Variants in CDC42BPB observed in about 807,000 individuals in gnomAD.
CDC42BPB encodes serine/threonine-protein kinase MRCK beta.
CDC42BPB carries 37 observed loss-of-function variants against 214.9 expected under a neutral mutation model. The ratio of observed to expected loss-of-function variants is 0.17; its 90% CI spans 0.13 to 0.23. The LOEUF (loss-of-function observed/expected upper bound fraction) is 0.23, where lower values mean the gene tolerates loss of function less well. Among genes scored for constraint, CDC42BPB ranks in the 10% least tolerant of loss-of-function variants. CDC42BPB has a pLI of 1.00. For missense variants in CDC42BPB, 1,694 were observed against 2,227.0 expected, an observed-to-expected ratio of 0.76 and a Z score of 4.82; for synonymous variants, 931 against 884.0, an observed-to-expected ratio of 1.05 and a Z score of -0.94.
intron 34 of CDC42BPB, among the ~76,000 whole-genome samples, chr14:102,939,284 G>A (rs144983492): frequency 1.3e-5 from 2 of 152,356 alleles, no homozygotes; most frequent in East Asian, 3.9e-4. Context: ...GCTATCTGTT[G>A]GTACGAAGGT....
At chr14:102,974,264 TCA>T in intron 11 of CDC42BPB, 115 bp from the exon 12 acceptor site, 1 of 1,481,886 alleles carries the variant, frequency 6.7e-7, no homozygotes. Context: ...ACTTTTTCAT[TCA>T]GAGGTTTTTT....
intron 6 of CDC42BPB, among the ~76,000 whole-genome samples, chr14:102,985,908 G>A (rs1894225061): frequency 6.6e-6 from 1 of 152,366 alleles, no homozygotes; most frequent in Admixed American, 6.5e-5. Context: ...ACTGCGGGGT[G>A]GAGACCACAG....
rs142125941 is a variant in CDC42BPB, at chr14:103,002,608, G to T, written c.447+1320C>A. On this transcript the variant is annotated intron_variant, in intron 4 of 36. Transcript: ENST00000361246. ...TCCTGGGAGCAGGGACACTGAGCAGGAAGCGGGGGGGTTTATGTGGAGGTG... is the reference window on the plus strand; with the variant it reads ...TCCTGGGAGCAGGGACACTGAGCAGTAAGCGGGGGGGTTTATGTGGAGGTG... Among the ~76,000 whole-genome samples, 3 of 152,232 alleles carry T rather than the reference G, an allele frequency of 2.0e-5. No homozygotes were observed. The East Asian group carries it at 5.8e-4, about 29-fold the overall frequency.
chr14:102,989,695 T>C (rs1013375271), intron 5 of CDC42BPB, among the ~76,000 whole-genome samples: 3 of 151,660 alleles, frequency 2.0e-5, no homozygotes, highest in African/African-American at 2.4e-5. Flanking sequence ...CAACATGGAG[T>C]ACCCTGTCTT....
chr14:102,972,234 A>G (rs766896284), intron 12 of CDC42BPB, 73 bp from the exon 13 acceptor site: 206 of 1,579,344 alleles, frequency 1.3e-4, no homozygotes, highest in Non-Finnish European at 1.7e-4. Flanking sequence ...TCGGTCTTCC[A>G]TGATATTGAG....
intron 1 of CDC42BPB, among the ~76,000 whole-genome samples, chr14:103,028,011 T>C (rs1201733712): frequency 6.6e-6 from 1 of 152,118 alleles, no homozygotes; most frequent in Non-Finnish European, 1.5e-5. Context: ...GCACCTGTAG[T>C]CCCAGCTGCT....
chr14:103,056,740 T>C (rs1888990885), intron 1 of CDC42BPB, among the ~76,000 whole-genome samples: 1 of 150,948 alleles, frequency 6.6e-6, no homozygotes, highest in African/African-American at 2.4e-5. Flanking sequence ...GGCGGGACGA[T>C]CGAACGCGGA....
chr14:103,025,030 ATTTC>A (rs1886973591), intron 1 of CDC42BPB, among the ~76,000 whole-genome samples: 2 of 152,198 alleles, frequency 1.3e-5, no homozygotes, highest in East Asian at 1.9e-4. Flanking sequence ...ATATTTTGAA[ATTTC>A]TTTGTGTCAC....
chr14:102,971,401 T>C, intron 13 of CDC42BPB, among the ~76,000 whole-genome samples: 1 of 152,352 alleles, frequency 6.6e-6, no homozygotes, highest in East Asian at 1.9e-4. Context: ...GGGGTTGTAA[T>C]CATTCCAACA....
intron 1 of CDC42BPB, among the ~76,000 whole-genome samples, chr14:103,015,655 T>G (rs1480583604): frequency 1.3e-5 from 2 of 152,164 alleles, no homozygotes; most frequent in Admixed American, 1.3e-4. Context: ...AAATACCACA[T>G]GGAGGTGGCA....
intron 12 of CDC42BPB, chr14:102,972,377 C>A: frequency 2.1e-6 from 2 of 968,588 alleles, no homozygotes; most frequent in Non-Finnish European, 2.5e-6. Flanking sequence ...GGTGCTGAGA[C>A]CAACTGCACA....
intron 23 of CDC42BPB, 68 bp downstream of exon 23, chr14:102,954,130 A>G: frequency 4.7e-6 from 5 of 1,063,488 alleles, no homozygotes; most frequent in Non-Finnish European, 7.1e-6. Flanking sequence ...CTTATTTTCT[A>G]AATAACTGAG....
At position 103,053,676 on chromosome 14, in the gene CDC42BPB, A is replaced by G. The variant is rs539409365; in HGVS notation, c.175+3323T>C. Among the ~76,000 whole-genome samples the G allele has an allele frequency of 4.9e-4, 73 of 147,860 alleles. 1 individual carries two copies. Among genetic ancestry groups the G allele is most frequent in the East Asian group, 4.9e-3 (23 of 4,698 alleles). On this transcript the variant is annotated intron_variant, in intron 1 of 36. Coordinates refer to ENST00000361246, the MANE Select transcript of CDC42BPB (RefSeq NM_006035.4). ...ACTCAGGAGGCTGAGGCAGGAGAAC[A>G]ACGTGAACCCGGGAGGCAGAGCTTG... is the stretch of plus-strand genomic sequence containing the variant.
intron 7 of CDC42BPB, chr14:102,981,330 C>T (rs1484542692): frequency 3.4e-6 from 1 of 291,370 alleles, no homozygotes; most frequent in Non-Finnish European, 5.1e-6. Context: ...GCAGCCCCGT[C>T]AGAATGCACA....
chr14:102,938,454 C>T (rs766121923), intron 34 of CDC42BPB, 43 bp from the exon 35 acceptor site: 14 of 1,505,554 alleles, frequency 9.3e-6, no homozygotes, highest in South Asian at 1.3e-5. Context: ...GGTTGACACC[C>T]GGCAGGGCCG....
intron 5 of CDC42BPB, among the ~76,000 whole-genome samples, chr14:102,991,260 A>C (rs1318863534): frequency 1.3e-5 from 2 of 152,246 alleles, no homozygotes; most frequent in South Asian, 2.1e-4. Flanking sequence ...ACACATTCCA[A>C]GAGGAAGGAA....
Position 103,057,184 on chromosome 14 carries a change from G to A in CDC42BPB, c.-11C>T, listed in dbSNP as rs112725131. On this transcript the variant is annotated 5_prime_UTR_variant, in exon 1 of 37. Coordinates refer to ENST00000361246, the MANE Select transcript of CDC42BPB (RefSeq NM_006035.4). The stretch of plus-strand genomic sequence containing the variant: ...CACCTTGGCCGACATGGTGCCGCGC[G>A]GCCCGCTCCCGACGCGCCGGCCTCT... 7.2e-6 allele frequency: 10 copies of A among 1,393,266 alleles called. No individual in the cohort carries two copies. Among genetic ancestry groups the A allele is most frequent in the East Asian group, 3.1e-5 (1 of 32,478 alleles). 86.3% of individuals were successfully genotyped at this position (1,393,266 alleles called of 1,614,324 possible). A position where few individuals can be genotyped will look rare whatever the true frequency, so the allele number is the denominator to read the frequency against.
intron 1 of CDC42BPB, 104 bp from the exon 2 acceptor site, chr14:103,012,292 T>G: frequency 6.8e-7 from 1 of 1,472,646 alleles, no homozygotes. Context: ...TTAAAAAAGT[T>G]TGTTTGAAAA....
In CDC42BPB at chr14:102,968,664, A is replaced by C; in HGVS notation, c.2048T>G (p.Ile683Ser). 6.2e-7 allele frequency: 1 copy of C among 1,614,150 alleles called. No homozygotes were observed. The highest frequency in any genetic ancestry group is 8.5e-7 in the Non-Finnish European group (1 of 1,180,032). Reference sequence around the variant, plus strand: ...CTCCAGCTCGGATTTGATTTTGGAAATCTCTTGCTGGTGCTCTAAGGTGGC... The same window carrying C: ...CTCCAGCTCGGATTTGATTTTGGAACTCTCTTGCTGGTGCTCTAAGGTGGC... ...AGATLEHQQE[I>S]SKIKSELEKK... The change falls in exon 15 of 37, where the codon ATT (isoleucine) becomes AGT (serine). Residue 683 changes from isoleucine to serine, a missense_variant. By Grantham distance (142) the Ile-to-Ser change is moderately radical. This residue lies in a region of CDC42BPB where 462 missense variants were observed against 513.5 expected (regional missense o/e 0.90). Coordinates refer to ENST00000361246, the MANE Select transcript of CDC42BPB (RefSeq NM_006035.4).
Sources: gnomAD v4.1 joint callset for allele counts (sites outside exome capture counted in the v4.1 genomes callset) on GRCh38, gnomAD v4.1.1 for gene constraint, gnomAD v4.1.1 regional missense constraint, MANE v1.5 for transcripts, NCBI Gene and HGNC (gene_info 2026-07-23, HGNC 2026-07-21) for gene names.